Variants in METTL2B observed in about 807,000 individuals in gnomAD.
METTL2B encodes the protein tRNA N(3)-cytidine methyltransferase METTL2B.
Under a neutral mutation model 51.0 loss-of-function variants are expected in METTL2B, and 28 were observed. The observed-to-expected ratio is 0.55, with a 90% CI of 0.41 to 0.75. METTL2B has a LOEUF of 0.75. Ranked by LOEUF, METTL2B falls within the 30% of genes least tolerant of loss-of-function variation. The probability of loss-of-function intolerance (pLI) is 0.00; values close to 1 mark genes in which losing one functional copy is unlikely to be tolerated. For missense variants in METTL2B, 313 were observed against 460.7 expected, an observed-to-expected ratio of 0.68 and a Z score of 2.93; for synonymous variants, 128 against 166.3, an observed-to-expected ratio of 0.77 and a Z score of 1.77.
chr7:128,497,930 G>A, intron 6 of METTL2B, 106 bp from the exon 7 acceptor site: 2 of 1,072,012 alleles, frequency 1.9e-6, no homozygotes, highest in Non-Finnish European at 2.7e-6. Context: ...CTCAGACTTG[G>A]TGTGTCAGTT....
At chr7:128,493,403 G>A (rs1321096968) in intron 5 of METTL2B, among the ~76,000 whole-genome samples, 1 of 151,874 alleles carries the variant, frequency 6.6e-6, no homozygotes, top group African/African-American at 2.4e-5. Flanking sequence ...GTAGAGATGG[G>A]GTTTCTCCAT....
intron 6 of METTL2B, among the ~76,000 whole-genome samples, chr7:128,495,820 C>T (rs1792914583): frequency 6.6e-6 from 1 of 152,164 alleles, no homozygotes; most frequent in African/African-American, 2.4e-5. Flanking sequence ...GGACTAATTC[C>T]ATGGAAGCCC....
Position 128,476,809 on chromosome 7 carries a change from A to G in METTL2B, c.44A>G (p.Asp15Gly), listed in dbSNP as rs888039767. 6.2e-7 allele frequency: 1 copy of G among 1,614,146 alleles called. No individual in the cohort carries two copies. The highest frequency in any genetic ancestry group is 8.5e-7 in the Non-Finnish European group (1 of 1,180,030). ...GAAGGTGCACCTGCAATCCTCGCCG[A>G]TAAGAGGCAGCAGTTCGGAAGCCGG... ...YPEGAPAILADKRQQFGSRFL... is the reference protein window; with the variant it reads ...YPEGAPAILAGKRQQFGSRFL... Residue 15 changes from aspartate to glycine, a missense_variant, in exon 1 of 9, where the codon GAT (aspartate) becomes GGT (glycine). By Grantham distance (94) the Asp-to-Gly change is moderately conservative. Around this residue, in one of 4 missense-constraint regions of METTL2B, gnomAD observed 66 missense variants for 58.2 expected, o/e 1.13. Transcript: ENST00000262432.
intron 4 of METTL2B, among the ~76,000 whole-genome samples, chr7:128,482,611 G>A (rs1484029900): frequency 6.6e-6 from 1 of 152,156 alleles, no homozygotes; most frequent in Non-Finnish European, 1.5e-5. Context: ...TTGGCTCACT[G>A]CAACCTCTGC....
intron 8 of METTL2B, chr7:128,501,341 T>C: frequency 1.0e-6 from 1 of 985,454 alleles, no homozygotes; most frequent in Non-Finnish European, 1.2e-6. Flanking sequence ...TGCCGGGAAC[T>C]GCTCTCCTCT....
At chr7:128,486,611 A>G (rs910351984) in intron 4 of METTL2B, among the ~76,000 whole-genome samples, 5 of 152,034 alleles carry the variant, frequency 3.3e-5, no homozygotes, top group African/African-American at 9.7e-5. Context: ...TCACAAAAAA[A>G]AAAAGAAAAA....
intron 4 of METTL2B, among the ~76,000 whole-genome samples, chr7:128,482,411 C>T (rs1200607789): frequency 1.3e-5 from 2 of 152,170 alleles, no homozygotes; most frequent in Admixed American, 6.5e-5. Context: ...GCCTCGGCCT[C>T]CCAAAGTGCT....
rs57860093 is a variant in METTL2B at position 128,498,997 on chromosome 7, CA to C, written c.916+870del. ...GGGCAACAAGAGTGAAACTCTGTCT[CA>C]AAAAAAAAAAAAAAGACATCTGAAA... On this transcript the variant is annotated intron_variant, in intron 7 of 8. Transcript: ENST00000262432. 3.5e-3 allele frequency among the ~76,000 whole-genome samples: 383 copies of C among 109,730 alleles called. 2 individuals are homozygous for C. Among genetic ancestry groups the C allele is most frequent in the South Asian group, 0.024 (88 of 3,666 alleles). 72.0% of individuals were successfully genotyped at this position (109,730 alleles called of 152,430 possible). A position where few individuals can be genotyped will look rare whatever the true frequency, so the allele number is the denominator to read the frequency against.
intron 4 of METTL2B, chr7:128,484,229 T>TGTTTTTTTTTTTTTG (rs1468813996): frequency 5.2e-4 from 52 of 100,722 alleles, no homozygotes; most frequent in South Asian, 1.1e-3. Context: ...TTTTTTTTTT[T>TGTTTTTTTTTTTTTG]TTTTTTTTTT....
At position 128,479,284 on chromosome 7, in the gene METTL2B, A is replaced by C. The variant is rs1563026260; in HGVS notation, c.329A>C (p.Asn110Thr). The C allele has an allele frequency of 6.2e-7, 1 of 1,614,228 alleles. No individual in the cohort carries two copies. The highest frequency in any genetic ancestry group is 8.5e-7 in the Non-Finnish European group (1 of 1,180,028). Residue 110 changes from asparagine (N) to threonine (T), a missense_variant, in exon 3 of 9, where the codon AAT (asparagine) becomes ACT (threonine). Around this residue, in one of 4 missense-constraint regions of METTL2B, gnomAD observed 67 missense variants for 101.4 expected, o/e 0.66. Transcript: ENST00000262432. ...GAGCTGGCACCTAGCCAAAATCAAA[A>C]TCATTTGAAGGATTGGTTCTTGGAG... ...FPELAPSQNQNHLKDWFLENK... is the reference protein window; with the variant it reads ...FPELAPSQNQTHLKDWFLENK...
In METTL2B at chr7:128,481,030, C is replaced by CCTT. The variant is rs150465114; in HGVS notation, c.608+346_608+348dup. On this transcript the variant is annotated intron_variant, in intron 4 of 8. Coordinates refer to ENST00000262432, the MANE Select transcript of METTL2B (RefSeq NM_018396.3). ...AACTTGCTAGTGTTAACGTTTAGTG[C>CCTT]CTTCTTCTTCTTCTAAGGAACAAAT... Among the ~76,000 whole-genome samples the CCTT allele has an allele frequency of 4.1e-3, 622 of 152,242 alleles. 4 individuals carry two copies. Among genetic ancestry groups the CCTT allele is most frequent in the African/African-American group, 0.014 (587 of 41,530 alleles).
rs998016964 is a variant in METTL2B, at chr7:128,503,481, G to C, written c.*1565G>C. ...ACAGGGCTCTCACTTTGTTGCCCAG[G>C]CTGGAGTTCAGTGGTGCAATGATAG... On this transcript the variant is annotated 3_prime_UTR_variant, in exon 9 of 9. Coordinates refer to ENST00000262432, the MANE Select transcript of METTL2B (RefSeq NM_018396.3). 2 of 144,098 alleles carry C rather than the reference G, an allele frequency of 1.4e-5. No individual in the cohort carries two copies. The highest frequency in any genetic ancestry group is 3.0e-5 in the Non-Finnish European group (2 of 66,658). 8.9% of individuals were successfully genotyped at this position (144,098 alleles called of 1,614,324 possible).
intron 2 of METTL2B, among the ~76,000 whole-genome samples, chr7:128,477,429 G>A (rs4090995): frequency 1.3e-5 from 2 of 152,092 alleles, no homozygotes; most frequent in African/African-American, 4.8e-5. Context: ...TAATTATGTT[G>A]AGTAGATCCA....
At position 128,477,199 on chromosome 7, in the gene METTL2B, T is replaced by A. The variant is rs762129135; in HGVS notation, c.202+26T>A. ...GTGCGCTTAAATGGGCTCTCGTTGG[T>A]ATCAACAGCCAGCGTACTGCCGAAC... On this transcript the variant is annotated intron_variant, in intron 2 of 8. Coordinates refer to ENST00000262432, the MANE Select transcript of METTL2B (RefSeq NM_018396.3). The A allele has an allele frequency of 2.4e-5, 38 of 1,613,470 alleles. 1 individual carries two copies. In the South Asian group the frequency reaches 4.1e-4, roughly 17 times the overall value.
At chr7:128,499,297 T>C (rs1792982734) in intron 7 of METTL2B, among the ~76,000 whole-genome samples, 1 of 152,052 alleles carries the variant, frequency 6.6e-6, no homozygotes. Context: ...TTCTTATTGC[T>C]GGCCAATTCA....
intron 3 of METTL2B, among the ~76,000 whole-genome samples, chr7:128,479,852 C>G (rs1473303754): frequency 1.3e-5 from 2 of 152,172 alleles, no homozygotes; most frequent in East Asian, 3.8e-4. Context: ...AAAAATGTCC[C>G]AGATCAGAAG....
chr7:128,491,981 G>A (rs997269348), intron 5 of METTL2B, among the ~76,000 whole-genome samples: 4 of 152,072 alleles, frequency 2.6e-5, no homozygotes, highest in Non-Finnish European at 5.9e-5. Context: ...ATATTTTCTA[G>A]TTGGGAGTTG....
In METTL2B at chr7:128,502,669, C is replaced by T. The variant is rs1385279737; in HGVS notation, c.*753C>T. The T allele has an allele frequency of 1.1e-4, 50 of 444,376 alleles. No individual in the cohort carries two copies. The highest frequency in any genetic ancestry group is 1.9e-4 in the Non-Finnish European group (42 of 223,396). 27.5% of individuals were successfully genotyped at this position (444,376 alleles called of 1,614,324 possible). A position where few individuals can be genotyped will look rare whatever the true frequency, so the allele number is the denominator to read the frequency against. On this transcript the variant is annotated 3_prime_UTR_variant, in exon 9 of 9. Transcript: ENST00000262432. The stretch of plus-strand genomic sequence containing the variant: ...ATCCCAGCACTTTGGGAGGCCGAGG[C>T]GGGCAGATCACCTGAGGTCAGGAGT...
chr7:128,480,813 G>T (rs1047050061), intron 4 of METTL2B, 117 bp downstream of exon 4: 60 of 1,161,220 alleles, frequency 5.2e-5, no homozygotes, highest in Non-Finnish European at 7.1e-5. Context: ...GATTGCTTGA[G>T]GCCAGGAGTG....
Sources: gnomAD v4.1 joint callset for allele counts (sites outside exome capture counted in the v4.1 genomes callset) on GRCh38, gnomAD v4.1.1 for gene constraint, gnomAD v4.1.1 regional missense constraint, MANE v1.5 for transcripts, NCBI Gene and HGNC (gene_info 2026-07-23, HGNC 2026-07-21) for gene names.